ALDH1A3: variants seen among roughly 807,000 people sequenced by gnomAD.
ALDH1A3 encodes the protein aldehyde dehydrogenase 1 family member A3, also known as retinaldehyde dehydrogenase 3.
A neutral mutation model predicts 57.5 loss-of-function variants in ALDH1A3; 28 were observed. That is an observed-to-expected ratio of 0.49 (90% confidence interval 0.36 to 0.67). The LOEUF is 0.67. Among genes scored for constraint, ALDH1A3 ranks in the 30% least tolerant of loss-of-function variants. The pLI is 0.00. For missense variants in ALDH1A3, 507 were observed against 669.4 expected, an observed-to-expected ratio of 0.76 and a Z score of 2.68; for synonymous variants, 281 against 264.8, an observed-to-expected ratio of 1.06 and a Z score of -0.59.
rs1309802589 is a variant in ALDH1A3 at position 100,915,134 on chromosome 15, TAAG to T, written c.*364_*366del. 1 of 230,654 alleles carries T rather than the reference TAAG, an allele frequency of 4.3e-6. No individual in the cohort carries two copies. Among genetic ancestry groups the T allele is most frequent in the Non-Finnish European group, 8.8e-6 (1 of 113,794 alleles). The allele number at this position is 230,654 out of a possible 1,614,324, so 14.3% of individuals were successfully genotyped here. ...AATGCTTTGCCGAATCTGACTCCAG[TAAG>T]AATGTGGGAAAACCCCCTGTGTGTT... On this transcript the variant is annotated 3_prime_UTR_variant, in exon 13 of 13. Transcript: ENST00000329841.
chr15:100,914,538 T>C (rs1221527376), intron 12 of ALDH1A3, 163 bp from the exon 13 acceptor site: 1 of 598,482 alleles, frequency 1.7e-6, no homozygotes, highest in Non-Finnish European at 3.0e-6. Context: ...TGACACTTAC[T>C]AGTGCTGTTA....
At chr15:100,901,706 G>A (rs977750454) in intron 9 of ALDH1A3, among the ~76,000 whole-genome samples, 1 of 152,222 alleles carries the variant, frequency 6.6e-6, no homozygotes, top group Non-Finnish European at 1.5e-5. Context: ...TTATGGGCAG[G>A]TTTTATTTTT....
chr15:100,907,416 C>CTCAGAAGATGG, intron 11 of ALDH1A3, 138 bp downstream of exon 11: 2 of 991,810 alleles, frequency 2.0e-6, no homozygotes, highest in Admixed American at 2.9e-5. Context: ...TCCTTCCATC[C>CTCAGAAGATGG]TCATGACCAT....
intron 8 of ALDH1A3, 134 bp from the exon 9 acceptor site, chr15:100,900,441 A>G: frequency 4.8e-6 from 4 of 825,504 alleles, no homozygotes; most frequent in South Asian, 3.6e-5. Context: ...AACAAAATTA[A>G]TTTCTGAAAT....
chr15:100,902,294 T>C (rs1210444173), intron 9 of ALDH1A3, among the ~76,000 whole-genome samples: 1 of 152,276 alleles, frequency 6.6e-6, no homozygotes, highest in Non-Finnish European at 1.5e-5. Context: ...AGTGCATTTA[T>C]GCCACCGCTC....
In ALDH1A3 at chr15:100,881,875, A is replaced by G. The variant is rs148457094; in HGVS notation, c.99+1869A>G. 1.1e-4 allele frequency among the ~76,000 whole-genome samples: 17 copies of G among 152,266 alleles called. No homozygotes were observed. The East Asian group carries it at 3.1e-3, about 28-fold the overall frequency. ...GGCCCATCTCTGCAGAGACCTCCCC[A>G]TAGCAGTTGTGGACCCAGGCAGCTT... On this transcript the variant is annotated intron_variant, in intron 1 of 12. Coordinates refer to ENST00000329841, the MANE Select transcript of ALDH1A3 (RefSeq NM_000693.4).
intron 7 of ALDH1A3, among the ~76,000 whole-genome samples, chr15:100,896,903 G>A (rs1482034709): frequency 6.6e-6 from 1 of 152,198 alleles, no homozygotes; most frequent in African/African-American, 2.4e-5. Flanking sequence ...GCTTGTAGAA[G>A]TAGAAATTAT....
Position 100,887,763 on chromosome 15 carries a change from G to A in ALDH1A3, c.345+51G>A. 1 of 1,527,672 alleles carries A rather than the reference G, an allele frequency of 6.5e-7. No homozygotes were observed. The highest frequency in any genetic ancestry group is 8.8e-7 in the Non-Finnish European group (1 of 1,132,436). The allele number at this position is 1,527,672 out of a possible 1,614,324, so 94.6% of individuals were successfully genotyped here. A position where few individuals can be genotyped will look rare whatever the true frequency, so the allele number is the denominator to read the frequency against. On this transcript the variant is annotated intron_variant, in intron 3 of 12. Coordinates refer to ENST00000329841, the MANE Select transcript of ALDH1A3 (RefSeq NM_000693.4). This position sits in a 1 kb window ranked among gnomAD's most constrained non-coding sequence, Gnocchi z 4.6. ...TGGGGGATGAGCCAGCCTCACTGAG[G>A]GTCCTGTCCACCATGGGGTATGGGA... is the stretch of plus-strand genomic sequence containing the variant.
intron 8 of ALDH1A3, 51 bp from the exon 9 acceptor site, chr15:100,900,524 C>G: frequency 6.6e-7 from 1 of 1,518,982 alleles, no homozygotes. Flanking sequence ...GCTTTAACAA[C>G]TTAATCGCTT....
intron 6 of ALDH1A3, chr15:100,895,692 C>G (rs552611153): frequency 1.8e-5 from 10 of 557,992 alleles, no homozygotes; most frequent in African/African-American, 5.6e-5. Flanking sequence ...GGTCCCCCCC[C>G]AGAAGGAGAA....
Position 100,916,577 on chromosome 15 carries a change from T to A in ALDH1A3, c.*1804T>A, listed in dbSNP as rs1262548415. ...TGGGAATTCCGATCCTAGCTGCAGA[T>A]CGCATCCCACAATGCGAGAATGATA... On this transcript the variant is annotated 3_prime_UTR_variant, in exon 13 of 13. Transcript: ENST00000329841. 1 of 152,296 alleles carries A rather than the reference T, an allele frequency of 6.6e-6. No individual in the cohort carries two copies. The highest frequency in any genetic ancestry group is 1.5e-5 in the Non-Finnish European group (1 of 68,050). 9.4% of individuals were successfully genotyped at this position (152,296 alleles called of 1,614,324 possible).
chr15:100,915,064 G>A lies in ALDH1A3; in HGVS notation c.*291G>A, dbSNP rs137974961. 3.8e-4 allele frequency: 153 copies of A among 404,344 alleles called. No individual in the cohort carries two copies. Among genetic ancestry groups the A allele is most frequent in the African/African-American group, 2.1e-3 (107 of 49,926 alleles). The allele number at this position is 404,344 out of a possible 1,614,324, so 25.0% of individuals were successfully genotyped here. A position where few individuals can be genotyped will look rare whatever the true frequency, so the allele number is the denominator to read the frequency against. On this transcript the variant is annotated 3_prime_UTR_variant, in exon 13 of 13. Coordinates refer to ENST00000329841, the MANE Select transcript of ALDH1A3 (RefSeq NM_000693.4). ...CTGGAGACAGTGAGATACTCAGGGC[G>A]TTGTTAACAGGGAGTGGTATTTGAA... is the stretch of plus-strand genomic sequence containing the variant.
In ALDH1A3 at chr15:100,887,547, T is replaced by A. The variant is rs773330065; in HGVS notation, c.205-25T>A. 20 of 1,528,164 alleles carry A rather than the reference T, an allele frequency of 1.3e-5. No homozygotes were observed. In the South Asian group the frequency reaches 2.4e-4, roughly 18 times the overall value. The allele number at this position is 1,528,164 out of a possible 1,614,324, so 94.7% of individuals were successfully genotyped here. The stretch of plus-strand genomic sequence containing the variant: ...GCAGTCACGTCAAAAGATGACAGTC[T>A]CTCTCTGTTGTTCTGGTCGCTCAGC... On this transcript the variant is annotated intron_variant, in intron 2 of 12. Coordinates refer to ENST00000329841, the MANE Select transcript of ALDH1A3 (RefSeq NM_000693.4). The surrounding 1 kb of genome is among the most constrained non-coding windows in gnomAD (Gnocchi z 4.6).
intron 8 of ALDH1A3, 82 bp downstream of exon 8, chr15:100,898,267 C>A: frequency 7.9e-7 from 1 of 1,257,916 alleles, no homozygotes. Context: ...GAATTCAAAA[C>A]CAACTGAGAG....
At chr15:100,914,662 T>G (rs762383738) in intron 12 of ALDH1A3, 39 bp from the exon 13 acceptor site, 1 of 1,584,730 alleles carries the variant, frequency 6.3e-7, no homozygotes, top group South Asian at 1.1e-5. Flanking sequence ...GGCTAAGGGA[T>G]GTACCCATTT....
rs2041823991 is a variant in ALDH1A3 at position 100,906,534 on chromosome 15, A to G, written c.1234-587A>G. On this transcript the variant is annotated intron_variant, in intron 10 of 12. Coordinates refer to ENST00000329841, the MANE Select transcript of ALDH1A3 (RefSeq NM_000693.4). This position sits in a 1 kb window ranked among gnomAD's most constrained non-coding sequence, Gnocchi z 4.8. The stretch of plus-strand genomic sequence containing the variant: ...CCAGGCACCATCCTGCCGGCTTATA[A>G]TTATGTCTAATATTGAATCAATTAC... Among the ~76,000 whole-genome samples the G allele has an allele frequency of 6.6e-5, 10 of 152,256 alleles. No individual in the cohort carries two copies. The highest frequency in any genetic ancestry group is 2.1e-4 in the South Asian group (1 of 4,834).
At chr15:100,880,602 C>T (rs1220019722) in intron 1 of ALDH1A3, 1 of 173,532 alleles carries the variant, frequency 5.8e-6, no homozygotes, top group African/African-American at 2.4e-5. Context: ...CGCTTACTGA[C>T]GAAACCTCCC....
At chr15:100,905,161 C>T (rs2141568189) in intron 9 of ALDH1A3, among the ~76,000 whole-genome samples, 1 of 152,290 alleles carries the variant, frequency 6.6e-6, no homozygotes, top group East Asian at 1.9e-4. Context: ...TTTTTATTTG[C>T]TAAATTTGGC....
At chr15:100,905,750 G>T (rs2041816235) in intron 10 of ALDH1A3, 63 bp downstream of exon 10, 3 of 1,438,008 alleles carry the variant, frequency 2.1e-6, no homozygotes, top group Admixed American at 2.4e-5. Flanking sequence ...TCCTTCCCTA[G>T]GGCCCAGGGA....
Sources: allele counts gnomAD v4.1 joint callset (sites outside exome capture counted in the v4.1 genomes callset), GRCh38; gene constraint gnomAD v4.1.1; non-coding constraint Gnocchi (gnomAD v3.1); transcripts MANE v1.5; gene names NCBI Gene and HGNC (gene_info 2026-07-23, HGNC 2026-07-21).